The following RBFOX2 variants were observed in gnomAD, a reference collection of about 807,000 sequenced individuals.
RBFOX2 encodes the protein RNA binding fox-1 homolog 2.
Under a neutral mutation model 49.1 loss-of-function variants are expected in RBFOX2, and 10 were observed. That is an observed-to-expected ratio of 0.20 (90% CI 0.13 to 0.35). The LOEUF is 0.35. Ranked by LOEUF, RBFOX2 falls within the 10% of genes least tolerant of loss-of-function variation. RBFOX2 has a pLI of 1.00. For missense variants in RBFOX2, 323 were observed against 486.9 expected, an observed-to-expected ratio of 0.66 and a Z score of 3.17; for synonymous variants, 183 against 187.4, an observed-to-expected ratio of 0.98 and a Z score of 0.19.
intron 9 of RBFOX2, among the ~76,000 whole-genome samples, chr22:35,753,512 A>G (rs1337507564): frequency 6.6e-6 from 1 of 152,194 alleles, no homozygotes; most frequent in Non-Finnish European, 1.5e-5. Context: ...CTAAGAAATA[A>G]TAACATTACT....
chr22:35,877,752 G>A (rs568370902), intron 1 of RBFOX2, among the ~76,000 whole-genome samples: 1 of 152,156 alleles, frequency 6.6e-6, no homozygotes, highest in South Asian at 2.1e-4. Flanking sequence ...AAGCACTACT[G>A]CCTCAATAGT....
At chr22:35,925,575 C>G (rs144459603) in intron 1 of RBFOX2, among the ~76,000 whole-genome samples, 1 of 152,170 alleles carries the variant, frequency 6.6e-6, no homozygotes, top group East Asian at 1.9e-4. Context: ...TGAGTCAGCT[C>G]GCAAATAAAT....
At chr22:35,954,814 TACA>T (rs1253765233) in intron 1 of RBFOX2, among the ~76,000 whole-genome samples, 12 of 151,852 alleles carry the variant, frequency 7.9e-5, no homozygotes, top group Non-Finnish European at 1.6e-4. Flanking sequence ...TGTAAACAAA[TACA>T]ATATGAACCA....
At chr22:35,753,885 T>C (rs1269806918) in intron 9 of RBFOX2, among the ~76,000 whole-genome samples, 1 of 147,278 alleles carries the variant, frequency 6.8e-6, no homozygotes, top group Non-Finnish European at 1.5e-5. Flanking sequence ...AGGGTTCAAG[T>C]GATTCTCCTG....
At chr22:35,994,596 G>A (rs1430419645) in intron 1 of RBFOX2, 2 of 151,810 alleles carry the variant, frequency 1.3e-5, no homozygotes, top group Non-Finnish European at 2.9e-5. Context: ...TGTAGAAATG[G>A]GGTCTCTCTA....
intron 2 of RBFOX2, among the ~76,000 whole-genome samples, chr22:35,784,375 C>T (rs535355737): frequency 5.9e-5 from 9 of 152,328 alleles, no homozygotes; most frequent in African/African-American, 2.2e-4. Flanking sequence ...CACGGAGAGG[C>T]ACATGGGCTG....
chr22:35,941,216 T>C (rs1171276014), upstream of RBFOX2, among the ~76,000 whole-genome samples: 1 of 152,160 alleles, frequency 6.6e-6, no homozygotes, highest in Non-Finnish European at 1.5e-5. Flanking sequence ...CTTTCCGAAA[T>C]GCACAAGTGC....
chr22:35,875,208 T>C (rs937411534), intron 1 of RBFOX2, among the ~76,000 whole-genome samples: 1 of 152,108 alleles, frequency 6.6e-6, no homozygotes, highest in Non-Finnish European at 1.5e-5. Context: ...CAGACTAAGA[T>C]AATGAGCATT....
chr22:35,769,666 T>C (rs1408924976), intron 4 of RBFOX2, among the ~76,000 whole-genome samples: 1 of 152,186 alleles, frequency 6.6e-6, no homozygotes, highest in Non-Finnish European at 1.5e-5. Flanking sequence ...CACTGTAGGA[T>C]AACCCAGAAC....
At chr22:35,745,944 A>G in exon 11 of RBFOX2, 1 of 1,613,934 alleles carries the variant, frequency 6.2e-7, no homozygotes, top group Non-Finnish European at 8.5e-7. Context: ...CTCCATAGCT[A>G]GCGGCAGGGG....
intron 1 of RBFOX2, among the ~76,000 whole-genome samples, chr22:35,977,749 T>TAC: frequency 7.2e-6 from 1 of 139,074 alleles, no homozygotes; most frequent in African/African-American, 2.7e-5. Context: ...TATATATATA[T>TAC]ATATATATAT....
upstream of RBFOX2, among the ~76,000 whole-genome samples, chr22:35,940,898 A>G (rs1006590356): frequency 5.9e-5 from 9 of 152,130 alleles, no homozygotes; most frequent in Admixed American, 5.9e-4. Flanking sequence ...GCAGAATATA[A>G]ATTAGTGGTT....
At chr22:35,840,289 CA>C in exon 1 of RBFOX2, 1 of 1,613,722 alleles carries the variant, frequency 6.2e-7, no homozygotes, top group Non-Finnish European at 8.5e-7. Context: ...CTTTCTTTTC[CA>C]CCCCCCTCCC....
intron 1 of RBFOX2, among the ~76,000 whole-genome samples, chr22:35,835,639 A>G (rs1020700725): frequency 6.6e-6 from 1 of 152,204 alleles, no homozygotes; most frequent in Non-Finnish European, 1.5e-5. Flanking sequence ...CCTAGACTCA[A>G]TTGCAAAGCT....
Position 35,781,147 on chromosome 22 carries a change from C to T in RBFOX2, c.399+453G>A, listed in dbSNP as rs935786232. Among the ~76,000 whole-genome samples, 10 of 152,282 alleles carry T rather than the reference C, an allele frequency of 6.6e-5. No individual in the cohort carries two copies. The East Asian group carries it at 1.9e-3, about 29-fold the overall frequency. The stretch of plus-strand genomic sequence containing the variant: ...ACTCCAGGCCAATTAAATCACAACC[C>T]TAGAATGTCAGGCATAGGCATCAAT... On this transcript the variant is annotated intron_variant, in intron 3 of 11. Transcript: ENST00000405409.
intron 1 of RBFOX2, among the ~76,000 whole-genome samples, chr22:35,945,184 G>A (rs1007723793): frequency 8.5e-5 from 13 of 152,064 alleles, no homozygotes; most frequent in Non-Finnish European, 1.6e-4. Flanking sequence ...CTCCCCAGTC[G>A]AAAATGAATT....
chr22:35,958,697 C>G (rs1341361789), intron 1 of RBFOX2, among the ~76,000 whole-genome samples: 1 of 152,180 alleles, frequency 6.6e-6, no homozygotes, highest in Non-Finnish European at 1.5e-5. Flanking sequence ...TTGCTTGGAA[C>G]CAATCTAAAA....
At chr22:35,783,079 C>T (rs1462281979) in intron 2 of RBFOX2, among the ~76,000 whole-genome samples, 1 of 152,174 alleles carries the variant, frequency 6.6e-6, no homozygotes, top group Non-Finnish European at 1.5e-5. Flanking sequence ...ACTAAGAGGT[C>T]ACAGCCTGAG....
chr22:35,757,773 T>C (rs1448974478), intron 9 of RBFOX2, among the ~76,000 whole-genome samples: 1 of 152,166 alleles, frequency 6.6e-6, no homozygotes, highest in African/African-American at 2.4e-5. Context: ...TATTAGAAAG[T>C]AATCTGCCTC....
Sources: allele counts gnomAD v4.1 joint callset (sites outside exome capture counted in the v4.1 genomes callset), GRCh38; gene constraint gnomAD v4.1.1; transcripts MANE v1.5; gene names NCBI Gene and HGNC (gene_info 2026-07-23, HGNC 2026-07-21).